Variants in DLGAP2 observed in about 807,000 individuals in gnomAD.
The protein encoded by DLGAP2 is DLG associated protein 2.
In DLGAP2, 26 loss-of-function variants were observed where a neutral mutation model predicts 100.3. The observed-to-expected ratio is 0.26, with a 90% CI of 0.19 to 0.36. The LOEUF is 0.36. Ranked by LOEUF, DLGAP2 falls within the 10% of genes least tolerant of loss-of-function variation. The probability of loss-of-function intolerance (pLI) is 1.00; values close to 1 mark genes in which losing one functional copy is unlikely to be tolerated. For synonymous variants in DLGAP2, 886 were observed against 630.1 expected (o/e 1.41, Z -6.08); for missense variants, 1,858 against 1,453.2 (o/e 1.28, Z -4.53).
intron 3 of DLGAP2, among the ~76,000 whole-genome samples, chr8:1,431,799 G>C (rs759495989): frequency 6.6e-6 from 1 of 152,160 alleles, no homozygotes; most frequent in Admixed American, 6.5e-5. Context: ...ACACTGATGC[G>C]TGCATGACAG....
chr8:1,493,344 C>T (rs1042991398), intron 3 of DLGAP2, among the ~76,000 whole-genome samples: 1 of 152,134 alleles, frequency 6.6e-6, no homozygotes. Flanking sequence ...CCTCTGTGGA[C>T]CCAGCGTGTA....
intron 2 of DLGAP2, among the ~76,000 whole-genome samples, chr8:937,352 A>G (rs192078495): frequency 2.0e-5 from 3 of 152,338 alleles, no homozygotes; most frequent in Admixed American, 1.3e-4. Flanking sequence ...CATCATCTCT[A>G]TTGTTTTAAA....
intron 2 of DLGAP2, among the ~76,000 whole-genome samples, chr8:1,164,578 A>T (rs1173652668): frequency 6.6e-6 from 1 of 151,852 alleles, no homozygotes; most frequent in Non-Finnish European, 1.5e-5. Context: ...TGTGGGTCAT[A>T]TTCTAAGCCC....
intron 2 of DLGAP2, among the ~76,000 whole-genome samples, chr8:1,194,561 G>C (rs1797709762): frequency 6.6e-6 from 1 of 152,150 alleles, no homozygotes; most frequent in Non-Finnish European, 1.5e-5. Flanking sequence ...GCAGAGTTCA[G>C]GACCAGTCAG....
intron 2 of DLGAP2, among the ~76,000 whole-genome samples, chr8:1,232,511 C>G (rs1280153743): frequency 6.6e-6 from 1 of 152,244 alleles, no homozygotes; most frequent in Non-Finnish European, 1.5e-5. Flanking sequence ...CAACTCCTTT[C>G]CTCTTGCATC....
intron 6 of DLGAP2, among the ~76,000 whole-genome samples, chr8:1,625,009 T>G (rs1031128104): frequency 6.6e-6 from 1 of 152,232 alleles, no homozygotes; most frequent in Non-Finnish European, 1.5e-5. Flanking sequence ...ATGAATAAGC[T>G]TCACTTAATA....
intron 1 of DLGAP2, among the ~76,000 whole-genome samples, chr8:846,072 C>T (rs998742782): frequency 9.9e-5 from 15 of 152,206 alleles, no homozygotes; most frequent in Non-Finnish European, 1.6e-4. Context: ...GTATAAATTG[C>T]ATAATGGGTA....
At position 1,098,649 on chromosome 8, in the gene DLGAP2, GAC is replaced by G. The variant is rs1491264576; in HGVS notation, c.74-160201_74-160200del. On this transcript the variant is annotated intron_variant, in intron 2 of 14. Transcript: ENST00000637795. ...CACGCCAGGCTCCCGGCCGCCCACG[GAC>G]GCCGCCACCCACGCCAGGCTCCCGG... Among the ~76,000 whole-genome samples the G allele has an allele frequency of 5.8e-5, 6 of 104,226 alleles. No homozygotes were observed. In the South Asian group the frequency reaches 1.1e-3, roughly 19 times the overall value. The allele number at this position is 104,226 out of a possible 152,430, so 68.4% of individuals were successfully genotyped here. A position where few individuals can be genotyped will look rare whatever the true frequency, so the allele number is the denominator to read the frequency against.
rs73670649 is a variant in DLGAP2, at chr8:1,126,351, A to T, written c.74-132500A>T. Among the ~76,000 whole-genome samples the T allele has an allele frequency of 2.8e-3, 421 of 152,058 alleles. 5 individuals are homozygous for T. The highest frequency in any genetic ancestry group is 9.7e-3 in the African/African-American group (402 of 41,474). On this transcript the variant is annotated intron_variant, in intron 2 of 14. Coordinates refer to ENST00000637795, the MANE Select transcript of DLGAP2 (RefSeq NM_001346810.2). Reference sequence around the variant, plus strand: ...AGAGAAGAAGAGACACAGGCAGATGAGGAGGGAGGCAGGGGAGAGAAGAGA... The same window carrying T: ...AGAGAAGAAGAGACACAGGCAGATGTGGAGGGAGGCAGGGGAGAGAAGAGA...
chr8:868,805 C>T (rs577140010), intron 1 of DLGAP2, among the ~76,000 whole-genome samples: 13 of 152,164 alleles, frequency 8.5e-5, no homozygotes, highest in South Asian at 6.2e-4. Flanking sequence ...ACCGCACCTC[C>T]GGGCCTAGAG....
At chr8:1,042,997 G>A (rs1317271908) in intron 2 of DLGAP2, among the ~76,000 whole-genome samples, 3 of 144,662 alleles carry the variant, frequency 2.1e-5, no homozygotes, top group African/African-American at 7.6e-5. Context: ...GATGGATGTG[G>A]GTGGTGGGTG....
intron 2 of DLGAP2, among the ~76,000 whole-genome samples, chr8:1,059,069 A>T (rs1184676985): frequency 2.6e-5 from 4 of 152,180 alleles, no homozygotes; most frequent in African/African-American, 4.8e-5. Flanking sequence ...CCATGTGTCC[A>T]TGTGTCCATG....
At chr8:792,871 C>G (rs1327661134) in intron 1 of DLGAP2, among the ~76,000 whole-genome samples, 1 of 152,108 alleles carries the variant, frequency 6.6e-6, no homozygotes. Context: ...TGAAAGTTTT[C>G]TCATTTTTGT....
intron 2 of DLGAP2, among the ~76,000 whole-genome samples, chr8:1,072,485 A>G (rs1377060790): frequency 6.6e-6 from 1 of 152,166 alleles, no homozygotes; most frequent in Non-Finnish European, 1.5e-5. Context: ...CATTCACGTT[A>G]TCTTGGAGAA....
intron 2 of DLGAP2, among the ~76,000 whole-genome samples, chr8:1,215,887 C>G (rs368764756): frequency 8.9e-5 from 11 of 123,864 alleles, no homozygotes; most frequent in South Asian, 2.7e-4. Flanking sequence ...CCAGGTACCT[C>G]CATGGGTTCA....
intron 2 of DLGAP2, among the ~76,000 whole-genome samples, chr8:1,095,443 A>G (rs1293126458): frequency 1.3e-5 from 2 of 152,152 alleles, no homozygotes; most frequent in African/African-American, 4.8e-5. Flanking sequence ...GCTTCCGGTT[A>G]CACTTGACTT....
intron 3 of DLGAP2, among the ~76,000 whole-genome samples, chr8:1,287,265 C>CGTGT (rs1169216188): frequency 9.2e-5 from 3 of 32,486 alleles, no homozygotes; most frequent in African/African-American, 4.4e-4. Context: ...TTTAGTTCAG[C>CGTGT]GTGTGTGTGT....
chr8:1,474,582 CAA>C (rs1423643476), intron 3 of DLGAP2, among the ~76,000 whole-genome samples: 1 of 152,070 alleles, frequency 6.6e-6, no homozygotes, highest in Non-Finnish European at 1.5e-5. Context: ...AGGCACCTCT[CAA>C]AAGAAAGAAG....
intron 2 of DLGAP2, among the ~76,000 whole-genome samples, chr8:947,371 G>T (rs1799354158): frequency 6.6e-6 from 1 of 152,218 alleles, no homozygotes. Flanking sequence ...CCTCACACAG[G>T]ACGTAATTTT....
Sources: allele counts gnomAD v4.1 joint callset (sites outside exome capture counted in the v4.1 genomes callset), GRCh38; gene constraint gnomAD v4.1.1; transcripts MANE v1.5; gene names NCBI Gene and HGNC (gene_info 2026-07-23, HGNC 2026-07-21).